Variants in CTNNA2 observed in about 807,000 individuals in gnomAD.
CTNNA2 encodes catenin alpha-2.
A neutral mutation model predicts 101.0 loss-of-function variants in CTNNA2; 42 were observed. That is an observed-to-expected ratio of 0.42 (90% CI 0.32 to 0.54). The LOEUF is 0.54. Among genes scored for constraint, CTNNA2 ranks in the 20% least tolerant of loss-of-function variants. CTNNA2 has a pLI of 0.14. For missense variants in CTNNA2, 871 were observed against 1,223.1 expected (o/e 0.71, Z 4.29); for synonymous variants, 450 against 456.4 (o/e 0.99, Z 0.18).
intron 15 of CTNNA2, among the ~76,000 whole-genome samples, chr2:80,598,201 A>C (rs1697153552): frequency 6.6e-6 from 1 of 152,062 alleles, no homozygotes. Flanking sequence ...CAAACTAACA[A>C]AGGAACAAAA....
intron 7 of CTNNA2, among the ~76,000 whole-genome samples, chr2:80,352,632 G>A (rs997260440): frequency 6.6e-6 from 1 of 152,052 alleles, no homozygotes; most frequent in African/African-American, 2.4e-5. Flanking sequence ...ATGGTTGCTT[G>A]GTCCCCAAAA....
intron 4 of CTNNA2, among the ~76,000 whole-genome samples, chr2:79,375,196 C>T (rs576188579): frequency 5.9e-5 from 9 of 152,248 alleles, no homozygotes; most frequent in East Asian, 3.9e-4. Context: ...AAAAACCATA[C>T]GCTTTACGGT....
chr2:80,082,716 A>G (rs1017112097), intron 7 of CTNNA2, among the ~76,000 whole-genome samples: 9 of 152,214 alleles, frequency 5.9e-5, no homozygotes, highest in African/African-American at 2.2e-4. Flanking sequence ...TTAGATGACC[A>G]GAATATGATG....
At chr2:80,416,420 G>T (rs975553159) in intron 8 of CTNNA2, among the ~76,000 whole-genome samples, 2 of 151,928 alleles carry the variant, frequency 1.3e-5, no homozygotes, top group Non-Finnish European at 2.9e-5. Flanking sequence ...TTCTACTTCA[G>T]ATCTAACACT....
intron 6 of CTNNA2, among the ~76,000 whole-genome samples, chr2:79,875,243 C>T (rs966168575): frequency 7.2e-5 from 11 of 152,156 alleles, no homozygotes; most frequent in South Asian, 2.1e-4. Flanking sequence ...ATCAGCACCC[C>T]GGGATGACAG....
intron 2 of CTNNA2, among the ~76,000 whole-genome samples, chr2:79,232,699 A>T (rs1179319143): frequency 6.6e-6 from 1 of 152,130 alleles, no homozygotes; most frequent in African/African-American, 2.4e-5. Context: ...GATTTTTATT[A>T]CTGACTCAAT....
Position 79,557,118 on chromosome 2 carries a change from A to G in CTNNA2, c.-6+43911A>G, listed in dbSNP as rs575036203. ...GGAATTTAAGCTCATTTCTTCTTTT[A>G]TTGTCCCCTGTGGGAAGTAGAATAG... On this transcript the variant is annotated intron_variant, in intron 1 of 18. Transcript: ENST00000402739. Among the ~76,000 whole-genome samples, 155 of 151,974 alleles carry G rather than the reference A, an allele frequency of 1.0e-3. 1 individual carries two copies. Among genetic ancestry groups the G allele is most frequent in the African/African-American group, 3.4e-3 (143 of 41,516 alleles).
intron 3 of CTNNA2, among the ~76,000 whole-genome samples, chr2:79,331,861 G>C (rs963355589): frequency 6.6e-6 from 1 of 152,140 alleles, no homozygotes; most frequent in African/African-American, 2.4e-5. Context: ...TTATTGATTC[G>C]AGAACAAAAT....
intron 7 of CTNNA2, among the ~76,000 whole-genome samples, chr2:80,017,623 G>A (rs1694248863): frequency 6.6e-6 from 1 of 151,970 alleles, no homozygotes; most frequent in African/African-American, 2.4e-5. Flanking sequence ...TGGCCCAAGG[G>A]TTGGGATTTA....
chr2:79,919,474 A>G (rs1686502165), intron 7 of CTNNA2, among the ~76,000 whole-genome samples: 1 of 152,216 alleles, frequency 6.6e-6, no homozygotes, highest in Non-Finnish European at 1.5e-5. Flanking sequence ...AAGTAATATT[A>G]TGAGAGAGGA....
rs1674342922 is a variant in CTNNA2 at position 80,648,447 on chromosome 2, C to A, written c.*575C>A. The A allele has an allele frequency of 6.6e-6, 1 of 152,556 alleles. No homozygotes were observed. The highest frequency in any genetic ancestry group is 2.4e-5 in the African/African-American group (1 of 41,418). The allele number at this position is 152,556 out of a possible 1,614,324, so 9.5% of individuals were successfully genotyped here. A position where few individuals can be genotyped will look rare whatever the true frequency, so the allele number is the denominator to read the frequency against. ...AGCCTAAAATGCTTCTTTTAATCTGCATTCTGTTTCCTCTTCTAGTTGTGC... is the reference window on the plus strand; with the variant it reads ...AGCCTAAAATGCTTCTTTTAATCTGAATTCTGTTTCCTCTTCTAGTTGTGC... On this transcript the variant is annotated 3_prime_UTR_variant, in exon 19 of 19. Transcript: ENST00000402739.
intron 8 of CTNNA2, among the ~76,000 whole-genome samples, chr2:80,407,864 T>C (rs1679205337): frequency 6.6e-6 from 1 of 152,136 alleles, no homozygotes; most frequent in Non-Finnish European, 1.5e-5. Context: ...GTAAAAAGTA[T>C]TGCATACGGC....
intron 3 of CTNNA2, among the ~76,000 whole-genome samples, chr2:79,762,576 G>A (rs1042410561): frequency 2.0e-5 from 3 of 152,010 alleles, no homozygotes; most frequent in African/African-American, 7.2e-5. Flanking sequence ...GATAAAATAA[G>A]TAATAGAAAA....
At chr2:80,167,825 T>TGC (rs1299109973) in intron 7 of CTNNA2, among the ~76,000 whole-genome samples, 3 of 152,156 alleles carry the variant, frequency 2.0e-5, no homozygotes, top group Non-Finnish European at 4.4e-5. Context: ...GAGGGAAAAA[T>TGC]GCCTGAAAAT....
chr2:79,712,471 T>C (rs1009273180), intron 2 of CTNNA2, among the ~76,000 whole-genome samples: 1 of 152,204 alleles, frequency 6.6e-6, no homozygotes. Flanking sequence ...AGTTGTTTTT[T>C]CCTCTAGCTG....
At chr2:79,332,343 G>A (rs1454694535) in intron 3 of CTNNA2, among the ~76,000 whole-genome samples, 1 of 150,968 alleles carries the variant, frequency 6.6e-6, no homozygotes, top group African/African-American at 2.4e-5. Flanking sequence ...CTGGAATTAA[G>A]CAATGTAATC....
intron 3 of CTNNA2, among the ~76,000 whole-genome samples, chr2:79,845,790 T>A (rs1159631504): frequency 6.6e-6 from 1 of 152,220 alleles, no homozygotes; most frequent in Admixed American, 6.5e-5. Context: ...CAGATCTTCT[T>A]GCTGCACAAA....
At chr2:79,854,640 T>C (rs1170453516) in intron 3 of CTNNA2, among the ~76,000 whole-genome samples, 2 of 152,202 alleles carry the variant, frequency 1.3e-5, no homozygotes, top group Non-Finnish European at 2.9e-5. Flanking sequence ...GTTAAAATTG[T>C]TATTTTCCGT....
rs78514535 is a variant in CTNNA2 at position 80,296,693 on chromosome 2, C to A, written c.1057-96518C>A. Among the ~76,000 whole-genome samples, 13 of 152,284 alleles carry A rather than the reference C, an allele frequency of 8.5e-5. No individual in the cohort carries two copies. The East Asian group carries it at 2.3e-3, about 27-fold the overall frequency. On this transcript the variant is annotated intron_variant, in intron 7 of 18. Coordinates refer to ENST00000402739, the MANE Select transcript of CTNNA2 (RefSeq NM_001282597.3). Reference sequence around the variant, plus strand: ...AGCACCATTACTTTCTGTCGTGGAGCAGGGTTTTTCAACTTCAGCACTCTT... The same window carrying A: ...AGCACCATTACTTTCTGTCGTGGAGAAGGGTTTTTCAACTTCAGCACTCTT...
Sources: allele counts gnomAD v4.1 joint callset (sites outside exome capture counted in the v4.1 genomes callset), GRCh38; gene constraint gnomAD v4.1.1; transcripts MANE v1.5; gene names NCBI Gene and HGNC (gene_info 2026-07-23, HGNC 2026-07-21).